RIMS1: variants seen among roughly 807,000 people sequenced by gnomAD.
The protein encoded by RIMS1 is regulating synaptic membrane exocytosis 1.
In RIMS1, 83 loss-of-function variants were observed where a neutral mutation model predicts 214.1. That is an observed-to-expected ratio of 0.39 (90% CI 0.32 to 0.47). The LOEUF is 0.47. Ranked by LOEUF, RIMS1 falls within the 20% of genes least tolerant of loss-of-function variation. The pLI is 0.99. For missense variants in RIMS1, 2,050 were observed against 2,161.8 expected, an observed-to-expected ratio of 0.95 and a Z score of 1.03; for synonymous variants, 793 against 786.8, an observed-to-expected ratio of 1.01 and a Z score of -0.13.
chr6:72,155,587 C>G lies in RIMS1; in HGVS notation c.472-23988C>G, dbSNP rs1052426512. ...TTACAGTTCCACATGGCTGGGGAAG[C>G]CCCACAATCATGGTGGAAGGCAAGG... is the stretch of plus-strand genomic sequence containing the variant. On this transcript the variant is annotated intron_variant, in intron 4 of 33. Coordinates refer to ENST00000521978, the MANE Select transcript of RIMS1 (RefSeq NM_014989.7). Among the ~76,000 whole-genome samples the G allele has an allele frequency of 7.1e-5, 10 of 141,338 alleles. 1 individual carries two copies. The highest frequency in any genetic ancestry group is 2.2e-4 in the African/African-American group (9 of 40,774). 92.7% of individuals were successfully genotyped at this position (141,338 alleles called of 152,430 possible).
At chr6:71,916,032 C>T (rs1178199322) in intron 1 of RIMS1, among the ~76,000 whole-genome samples, 1 of 152,198 alleles carries the variant, frequency 6.6e-6, no homozygotes, top group East Asian at 1.9e-4. Context: ...CATCCCACAA[C>T]ACATAGGAAT....
At chr6:72,341,400 G>T (rs369289371) in intron 29 of RIMS1, among the ~76,000 whole-genome samples, 77 of 151,882 alleles carry the variant, frequency 5.1e-4, no homozygotes, top group Middle Eastern at 3.4e-3. Flanking sequence ...TAATTCCAGT[G>T]GTTACCTCAT....
At chr6:72,218,852 A>G (rs1326957287) in intron 6 of RIMS1, among the ~76,000 whole-genome samples, 2 of 152,232 alleles carry the variant, frequency 1.3e-5, no homozygotes, top group Non-Finnish European at 2.9e-5. Context: ...TATGAGGGCA[A>G]TAACTTTATT....
chr6:71,997,228 T>C (rs530321678), intron 2 of RIMS1, among the ~76,000 whole-genome samples: 2 of 152,164 alleles, frequency 1.3e-5, no homozygotes, highest in Non-Finnish European at 2.9e-5. Context: ...GCCCCTAAAA[T>C]GATTAAACCT....
At chr6:71,950,736 C>T (rs560057633) in intron 1 of RIMS1, among the ~76,000 whole-genome samples, 2 of 152,288 alleles carry the variant, frequency 1.3e-5, no homozygotes, top group Admixed American at 6.5e-5. Context: ...CCTCCAGAAA[C>T]ATTTTTTTCC....
In RIMS1 at chr6:72,250,411, G is replaced by A; in HGVS notation, c.2323G>A (p.Gly775Arg). 6.2e-7 allele frequency: 1 copy of A among 1,604,370 alleles called. No individual in the cohort carries two copies. The highest frequency in any genetic ancestry group is 2.2e-5 in the East Asian group (1 of 44,566). Residue 775 changes from glycine (G) to arginine (R), a missense_variant, in exon 13 of 34, where the codon GGA (glycine) becomes AGA (arginine). By Grantham distance (125) the Gly-to-Arg change is moderately radical (BLOSUM62 -2). Transcript: ENST00000521978. ...AACAGATCTACCTGCTAGAGTAGATGGACGTCCTCGAAATCCCTATGTAAA... is the reference window on the plus strand; with the variant it reads ...AACAGATCTACCTGCTAGAGTAGATAGACGTCCTCGAAATCCCTATGTAAA... The part of the protein sequence containing the change: ...QATDLPARVD[G>R]RPRNPYVKMY...
At position 71,960,216 on chromosome 6, in the gene RIMS1, C is replaced by T. The variant is rs560375926; in HGVS notation, c.165-8767C>T. On this transcript the variant is annotated intron_variant, in intron 1 of 33. Coordinates refer to ENST00000521978, the MANE Select transcript of RIMS1 (RefSeq NM_014989.7). ...TTGCCTACTAAACAATCTCTCACCT[C>T]TCTCTCAATGAAGTCGGTGATTGTT... Among the ~76,000 whole-genome samples the T allele has an allele frequency of 7.2e-5, 11 of 152,232 alleles. No homozygotes were observed. In the South Asian group the frequency reaches 2.1e-3, roughly 29 times the overall value.
chr6:72,082,960 A>G (rs923190866), intron 2 of RIMS1, among the ~76,000 whole-genome samples: 20 of 152,196 alleles, frequency 1.3e-4, no homozygotes, highest in African/African-American at 4.3e-4. Context: ...TTGATGTTTT[A>G]AAGGAATTAT....
chr6:72,161,526 G>T (rs1385061110), intron 4 of RIMS1, among the ~76,000 whole-genome samples: 1 of 140,286 alleles, frequency 7.1e-6, no homozygotes, highest in East Asian at 2.0e-4. Flanking sequence ...TGGGCATTTA[G>T]TGCTATAAAT....
At chr6:72,250,888 CT>C in intron 13 of RIMS1, 32 bp from the exon 14 acceptor site, 2 of 1,324,254 alleles carry the variant, frequency 1.5e-6, no homozygotes, top group African/African-American at 1.5e-5. Context: ...CATGTACTTG[CT>C]TTTTCATTTA....
At chr6:72,215,018 A>C (rs540102204) in intron 6 of RIMS1, among the ~76,000 whole-genome samples, 15 of 152,278 alleles carry the variant, frequency 9.9e-5, no homozygotes, top group African/African-American at 2.6e-4. Context: ...CACTGCTCCC[A>C]GCCTGATTCA....
At chr6:72,274,575 G>A in intron 23 of RIMS1, 143 bp downstream of exon 23, 1 of 626,370 alleles carries the variant, frequency 1.6e-6, no homozygotes. Flanking sequence ...GCCAACTCTG[G>A]TAAAGCACCT....
chr6:72,010,074 A>C (rs186499564), intron 2 of RIMS1, among the ~76,000 whole-genome samples: 1 of 152,332 alleles, frequency 6.6e-6, no homozygotes, highest in African/African-American at 2.4e-5. Flanking sequence ...CGATGCAAAA[A>C]TCCTCAATAA....
chr6:72,110,991 G>A (rs2035967468), intron 4 of RIMS1, among the ~76,000 whole-genome samples: 1 of 152,132 alleles, frequency 6.6e-6, no homozygotes, highest in South Asian at 2.1e-4. Context: ...TTAAGAAATT[G>A]TATATTAGCA....
intron 24 of RIMS1, 130 bp downstream of exon 24, chr6:72,284,248 A>C (rs1023632139): frequency 4.8e-6 from 3 of 620,474 alleles, no homozygotes; most frequent in African/African-American, 3.7e-5. Context: ...ATGTAACTAA[A>C]CCTACCCCTA....
In RIMS1 at chr6:72,158,277, A is replaced by G. The variant is rs888631437; in HGVS notation, c.472-21298A>G. ...TTCCTGTTACAGAATTCCATTTGAC[A>G]TTTATTTTCCTACATCACCAAAGTA... is the stretch of plus-strand genomic sequence containing the variant. On this transcript the variant is annotated intron_variant, in intron 4 of 33. Coordinates refer to ENST00000521978, the MANE Select transcript of RIMS1 (RefSeq NM_014989.7). Among the ~76,000 whole-genome samples, 16 of 141,206 alleles carry G rather than the reference A, an allele frequency of 1.1e-4. 3 individuals are homozygous for G. The highest frequency in any genetic ancestry group is 3.9e-4 in the African/African-American group (16 of 40,842). The allele number at this position is 141,206 out of a possible 152,430, so 92.6% of individuals were successfully genotyped here.
intron 2 of RIMS1, among the ~76,000 whole-genome samples, chr6:71,986,612 G>A (rs1317083029): frequency 6.6e-6 from 1 of 152,224 alleles, no homozygotes; most frequent in African/African-American, 2.4e-5. Flanking sequence ...TCTTATTTGG[G>A]CAATGGAGTT....
intron 1 of RIMS1, among the ~76,000 whole-genome samples, chr6:71,928,189 C>T (rs573904803): frequency 5.9e-5 from 9 of 152,134 alleles, no homozygotes; most frequent in East Asian, 3.9e-4. Context: ...AGTATTTATA[C>T]GTACATCTTT....
chr6:72,082,905 G>A (rs546598142), intron 2 of RIMS1, among the ~76,000 whole-genome samples: 1 of 152,268 alleles, frequency 6.6e-6, no homozygotes, highest in Admixed American at 6.5e-5. Context: ...TTGTGGCTCT[G>A]TGATTTCTGA....
Sources: allele counts gnomAD v4.1 joint callset (sites outside exome capture counted in the v4.1 genomes callset), GRCh38; gene constraint gnomAD v4.1.1; transcripts MANE v1.5; gene names NCBI Gene and HGNC (gene_info 2026-07-23, HGNC 2026-07-21).